The following PAX3 variants were observed in gnomAD, a reference collection of about 807,000 sequenced individuals.
The protein encoded by PAX3 is paired box 3, also known as paired box protein Pax-3.
Under a neutral mutation model 51.6 loss-of-function variants are expected in PAX3, and 14 were observed. The observed-to-expected ratio is 0.27, with a 90% CI of 0.18 to 0.42. The LOEUF is 0.42. PAX3 is among the 10% of genes least tolerant of loss of function. The pLI is 1.00. For missense variants in PAX3, 540 were observed against 642.8 expected (o/e 0.84, Z 1.73); for synonymous variants, 280 against 253.4 (o/e 1.11, Z -1.00).
chr2:222,281,345 T>C (rs1305714505), intron 4 of PAX3, among the ~76,000 whole-genome samples: 1 of 152,228 alleles, frequency 6.6e-6, no homozygotes, highest in African/African-American at 2.4e-5. Context: ...TAAAACATTT[T>C]CCCCAGATGA....
intron 4 of PAX3, among the ~76,000 whole-genome samples, chr2:222,249,522 G>C (rs1266546921): frequency 6.6e-6 from 1 of 152,084 alleles, no homozygotes; most frequent in Non-Finnish European, 1.5e-5. Context: ...GTAAATCCTA[G>C]CCCAAAAGTG....
intron 4 of PAX3, among the ~76,000 whole-genome samples, chr2:222,241,663 T>A (rs1693019956): frequency 6.6e-6 from 1 of 152,210 alleles, no homozygotes; most frequent in Non-Finnish European, 1.5e-5. Context: ...AAAATGACAA[T>A]GCTTATTAAC....
intron 4 of PAX3, among the ~76,000 whole-genome samples, chr2:222,243,672 C>T (rs1223043320): frequency 2.0e-5 from 3 of 152,178 alleles, no homozygotes; most frequent in Non-Finnish European, 4.4e-5. Flanking sequence ...TACATAAATG[C>T]TTTTAACGAC....
chr2:222,233,956 C>T (rs1468820246), intron 4 of PAX3, among the ~76,000 whole-genome samples: 1 of 152,134 alleles, frequency 6.6e-6, no homozygotes, highest in Non-Finnish European at 1.5e-5. Flanking sequence ...ATGTGTAAGT[C>T]CTTTACTTCT....
chr2:222,298,376 A>G (rs1695419196), intron 1 of PAX3, 155 bp downstream of exon 1: 5 of 638,104 alleles, frequency 7.8e-6, no homozygotes, highest in Non-Finnish European at 1.4e-5. Context: ...GAAATCGAGT[A>G]GGTCCTCGCC....
chr2:222,293,648 A>T (rs373550578), intron 4 of PAX3: 82 of 1,613,992 alleles, frequency 5.1e-5, no homozygotes, highest in African/African-American at 2.7e-5. Flanking sequence ...ACACACAGAC[A>T]TATTTATAAG....
intron 7 of PAX3, among the ~76,000 whole-genome samples, chr2:222,205,631 A>G (rs911216703): frequency 2.0e-5 from 3 of 152,162 alleles, no homozygotes; most frequent in Non-Finnish European, 4.4e-5. Flanking sequence ...AATAATTATA[A>G]TGTGATTTAT....
intron 2 of PAX3, 114 bp from the exon 3 acceptor site, chr2:222,295,771 C>T (rs566783625): frequency 3.2e-6 from 4 of 1,265,708 alleles, no homozygotes; most frequent in Admixed American, 1.7e-5. Flanking sequence ...CTGGGACGGT[C>T]CCCCTTTGTG....
At chr2:222,294,027 C>T in intron 4 of PAX3, 140 bp downstream of exon 4, 4 of 1,553,334 alleles carry the variant, frequency 2.6e-6, no homozygotes, top group South Asian at 1.2e-5. Flanking sequence ...AGTTCCATGT[C>T]GTTACTCAGG....
chr2:222,268,227 A>T (rs1694120668), intron 4 of PAX3, among the ~76,000 whole-genome samples: 1 of 152,200 alleles, frequency 6.6e-6, no homozygotes, highest in Admixed American at 6.5e-5. Context: ...TATTCGACCT[A>T]TCTGCAGACA....
At chr2:222,294,808 CT>C (rs11347336) in intron 3 of PAX3, among the ~76,000 whole-genome samples, 20,604 of 111,202 alleles carry the variant, frequency 0.19, 1,819 homozygotes, top group Non-Finnish European at 0.19. Flanking sequence ...CCTTTCTTCC[CT>C]TTTTTTTTTT....
chr2:222,231,648 A>G lies in PAX3; in HGVS notation c.792+430T>C, dbSNP rs45623434. Reference sequence around the variant, plus strand: ...GCTATGCCACCTTGGGTAGTTACTTATATAGTCCAAGTCTCAGTTTCCTTA... The same window carrying G: ...GCTATGCCACCTTGGGTAGTTACTTGTATAGTCCAAGTCTCAGTTTCCTTA... On this transcript the variant is annotated intron_variant, in intron 5 of 8. Transcript: ENST00000392070. Among the ~76,000 whole-genome samples, 17 of 152,346 alleles carry G rather than the reference A, an allele frequency of 1.1e-4. 1 individual carries two copies. The South Asian group carries it at 2.1e-3, about 19-fold the overall frequency.
chr2:222,262,254 ATGTTGG>A (rs1693889481), intron 4 of PAX3, among the ~76,000 whole-genome samples: 1 of 152,206 alleles, frequency 6.6e-6, no homozygotes, highest in Non-Finnish European at 1.5e-5. Context: ...ATCAGTTCTT[ATGTTGG>A]TGGACTTAGG....
At chr2:222,237,359 C>CACACACAG (rs1270655903) in intron 4 of PAX3, among the ~76,000 whole-genome samples, 5 of 148,228 alleles carry the variant, frequency 3.4e-5, no homozygotes, top group African/African-American at 1.2e-4. Flanking sequence ...CACACACACA[C>CACACACAG]AGTTCTTTTG....
At chr2:222,201,628 TG>T in intron 8 of PAX3, 186 bp from the exon 9 acceptor site, 1 of 1,317,130 alleles carries the variant, frequency 7.6e-7, no homozygotes, top group African/African-American at 1.5e-5. Flanking sequence ...CATATGATCC[TG>T]GAGCTGACCT....
At chr2:222,281,491 G>C (rs1455491875) in intron 4 of PAX3, among the ~76,000 whole-genome samples, 1 of 152,228 alleles carries the variant, frequency 6.6e-6, no homozygotes, top group Non-Finnish European at 1.5e-5. Flanking sequence ...GGCTCTGCCT[G>C]CCACTTCCCT....
At chr2:222,253,137 G>C (rs182643469) in intron 4 of PAX3, among the ~76,000 whole-genome samples, 4 of 152,258 alleles carry the variant, frequency 2.6e-5, no homozygotes, top group Admixed American at 2.0e-4. Flanking sequence ...AGAAAGAACT[G>C]TTGTTCTATT....
chr2:222,262,874 AGAAAGGAACGAC>A, intron 4 of PAX3: 1 of 152,208 alleles, frequency 6.6e-6, no homozygotes, highest in Admixed American at 6.5e-5. Flanking sequence ...AACTGAATGG[AGAAAGGAACGAC>A]TTTTCAACCA....
chr2:222,222,490 G>A (rs568599380), intron 5 of PAX3, among the ~76,000 whole-genome samples: 9 of 149,682 alleles, frequency 6.0e-5, no homozygotes, highest in Non-Finnish European at 8.9e-5. Flanking sequence ...CCCAACCTCC[G>A]CCTCCCAGGT....
Sources: allele counts gnomAD v4.1 joint callset (sites outside exome capture counted in the v4.1 genomes callset), GRCh38; gene constraint gnomAD v4.1.1; transcripts MANE v1.5; gene names NCBI Gene and HGNC (gene_info 2026-07-23, HGNC 2026-07-21).